LSAMP: variants seen among roughly 807,000 people sequenced by gnomAD.
LSAMP encodes the protein limbic system-associated membrane protein.
Under a neutral mutation model 38.6 loss-of-function variants are expected in LSAMP, and 7 were observed. The ratio of observed to expected loss-of-function variants is 0.18; its 90% confidence interval spans 0.10 to 0.34. The LOEUF is 0.34. Ranked by LOEUF, LSAMP falls within the 10% of genes least tolerant of loss-of-function variation. The pLI is 1.00. For missense variants in LSAMP, 313 were observed against 420.0 expected (o/e 0.75, Z 2.23); for synonymous variants, 154 against 166.8 (o/e 0.92, Z 0.59).
At chr3:116,108,567 A>C (rs146626143) in intron 1 of LSAMP, among the ~76,000 whole-genome samples, 1 of 152,320 alleles carries the variant, frequency 6.6e-6, no homozygotes, top group African/African-American at 2.4e-5. Flanking sequence ...CGAGGCAATT[A>C]GGCAGCATCA....
At chr3:115,842,340 G>T (rs963902366) in intron 5 of LSAMP, 118 bp downstream of exon 5, 3 of 1,308,458 alleles carry the variant, frequency 2.3e-6, no homozygotes, top group Non-Finnish European at 3.1e-6. Context: ...AAAAGGAAGA[G>T]TGTGAGAATA....
intron 3 of LSAMP, among the ~76,000 whole-genome samples, chr3:115,989,206 G>A (rs1288287205): frequency 1.3e-5 from 2 of 152,084 alleles, no homozygotes; most frequent in South Asian, 4.1e-4. Flanking sequence ...TGTACCATAT[G>A]AACAGAGAAA....
intron 1 of LSAMP, among the ~76,000 whole-genome samples, chr3:116,437,596 G>C (rs2049371500): frequency 1.3e-5 from 2 of 151,710 alleles, no homozygotes; most frequent in South Asian, 4.2e-4. Flanking sequence ...AGGGAAAAGG[G>C]GAGAGGAAGG....
chr3:116,165,297 T>A (rs912114039), intron 1 of LSAMP, among the ~76,000 whole-genome samples: 1 of 152,190 alleles, frequency 6.6e-6, no homozygotes, highest in East Asian at 1.9e-4. Context: ...ATTGCAGCTT[T>A]CTCCTCTTGT....
intron 1 of LSAMP, among the ~76,000 whole-genome samples, chr3:116,110,209 G>A (rs1708571415): frequency 6.6e-6 from 1 of 151,898 alleles, no homozygotes; most frequent in Non-Finnish European, 1.5e-5. Context: ...CCTTTCCCCA[G>A]AAAAGCAGAG....
At chr3:115,873,378 G>GAA (rs61243191) in intron 3 of LSAMP, among the ~76,000 whole-genome samples, 3 of 119,362 alleles carry the variant, frequency 2.5e-5, no homozygotes, top group South Asian at 2.7e-4. Flanking sequence ...GTGAGGCTCT[G>GAA]AAAAAAAAAA....
intron 1 of LSAMP, among the ~76,000 whole-genome samples, chr3:116,432,050 A>T (rs1478929213): frequency 6.6e-6 from 1 of 151,962 alleles, no homozygotes; most frequent in Non-Finnish European, 1.5e-5. Context: ...TTACAATATA[A>T]TCTTAGCACC....
chr3:115,826,054 C>T (rs1934396174), intron 6 of LSAMP, among the ~76,000 whole-genome samples: 2 of 152,096 alleles, frequency 1.3e-5, no homozygotes, highest in African/African-American at 2.4e-5. Flanking sequence ...TAGACCTTTG[C>T]AGGTAGTGGG....
chr3:116,304,119 C>A (rs1032826977), intron 1 of LSAMP, among the ~76,000 whole-genome samples: 1 of 152,074 alleles, frequency 6.6e-6, no homozygotes, highest in African/African-American at 2.4e-5. Flanking sequence ...CTCTGCAGTT[C>A]AACAAAGATA....
intron 1 of LSAMP, among the ~76,000 whole-genome samples, chr3:116,373,629 G>A (rs1437702983): frequency 1.3e-5 from 2 of 151,830 alleles, no homozygotes; most frequent in African/African-American, 4.8e-5. Context: ...AAAAAGTTAT[G>A]AGAAGTACCT....
chr3:116,212,178 T>C (rs1263973846), intron 1 of LSAMP, among the ~76,000 whole-genome samples: 1 of 152,200 alleles, frequency 6.6e-6, no homozygotes, highest in Non-Finnish European at 1.5e-5. Flanking sequence ...TGTGGTGTGA[T>C]ATCAAATAAA....
intron 3 of LSAMP, among the ~76,000 whole-genome samples, chr3:116,004,119 TAA>T (rs1347000739): frequency 6.6e-6 from 1 of 152,176 alleles, no homozygotes; most frequent in African/African-American, 2.4e-5. Context: ...TGAGAAATCA[TAA>T]AGTGTTATAA....
chr3:115,842,801 A>C (rs1278689550), intron 4 of LSAMP, among the ~76,000 whole-genome samples: 1 of 152,252 alleles, frequency 6.6e-6, no homozygotes, highest in African/African-American at 2.4e-5. Context: ...GGTTTACTTA[A>C]ATGAGACACT....
chr3:116,205,037 T>G (rs1251605900), intron 1 of LSAMP, among the ~76,000 whole-genome samples: 2 of 143,772 alleles, frequency 1.4e-5, no homozygotes, highest in Admixed American at 7.1e-5. Flanking sequence ...CCCATGAGCA[T>G]GGAATGTTCT....
At chr3:116,185,520 A>C (rs1710593820) in intron 1 of LSAMP, among the ~76,000 whole-genome samples, 1 of 151,968 alleles carries the variant, frequency 6.6e-6, no homozygotes, top group Non-Finnish European at 1.5e-5. Flanking sequence ...TTATACTATA[A>C]GGTTTTTACT....
chr3:115,910,685 C>G (rs1937114909), intron 3 of LSAMP, among the ~76,000 whole-genome samples: 2 of 152,098 alleles, frequency 1.3e-5, no homozygotes, highest in Admixed American at 1.3e-4. Flanking sequence ...ATAGCCACAC[C>G]ACTTCTCTCC....
At chr3:116,046,815 A>G (rs1210491838) in intron 2 of LSAMP, among the ~76,000 whole-genome samples, 2 of 152,178 alleles carry the variant, frequency 1.3e-5, no homozygotes, top group African/African-American at 4.8e-5. Context: ...CAAAACACAC[A>G]TGAAATGAAG....
intron 2 of LSAMP, among the ~76,000 whole-genome samples, chr3:116,049,941 A>G (rs1323589259): frequency 6.6e-6 from 1 of 152,208 alleles, no homozygotes; most frequent in Non-Finnish European, 1.5e-5. Context: ...TAAAGGTTAC[A>G]CAAATCCTGG....
intron 1 of LSAMP, among the ~76,000 whole-genome samples, chr3:116,109,491 C>G (rs955111880): frequency 1.4e-4 from 21 of 152,234 alleles, no homozygotes; most frequent in African/African-American, 3.9e-4. Flanking sequence ...GCACTGGGCA[C>G]AGAGACTAGG....
Sources: gnomAD v4.1 joint callset for allele counts (sites outside exome capture counted in the v4.1 genomes callset) on GRCh38, gnomAD v4.1.1 for gene constraint, MANE v1.5 for transcripts, NCBI Gene and HGNC (gene_info 2026-07-23, HGNC 2026-07-21) for gene names.